PGRMC2: variants seen among roughly 807,000 people sequenced by gnomAD.
The protein encoded by PGRMC2 is progesterone receptor membrane component 2.
In PGRMC2, 9 loss-of-function variants were observed where a neutral mutation model predicts 19.3. The ratio of observed to expected loss-of-function variants is 0.47; its 90% CI spans 0.28 to 0.81. The LOEUF (loss-of-function observed/expected upper bound fraction) is 0.81, where lower values mean the gene tolerates loss of function less well. Ranked by LOEUF, PGRMC2 falls within the 40% of genes least tolerant of loss-of-function variation. The pLI is 0.11. For missense variants in PGRMC2, 289 were observed against 297.3 expected (o/e 0.97, Z 0.21); for synonymous variants, 157 against 124.6 (o/e 1.26, Z -1.73).
chr4:128,270,599 C>T lies in PGRMC2; in HGVS notation c.*717G>A, dbSNP rs1334432832. The T allele has an allele frequency of 6.6e-6, 1 of 152,358 alleles. No individual in the cohort carries two copies. The highest frequency in any genetic ancestry group is 1.9e-4 in the East Asian group (1 of 5,188). The allele number at this position is 152,358 out of a possible 1,614,324, so 9.4% of individuals were successfully genotyped here. A position where few individuals can be genotyped will look rare whatever the true frequency, so the allele number is the denominator to read the frequency against. On this transcript the variant is annotated 3_prime_UTR_variant, in exon 3 of 3. Transcript: ENST00000296425. ...AGTCTATGTTAAGTGAAATAAGGCA[C>T]AATTAATATTGATTTGATTTAGGGA...
rs536616778 is a variant in PGRMC2 at position 128,279,131 on chromosome 4, C to A, written c.419-6614G>T. On this transcript the variant is annotated intron_variant, in intron 1 of 2. Transcript: ENST00000296425. ...GCTGAGGCAGGAGAATCGCTTGAAC[C>A]CAGCAGGCAGAGGTTGCAGTGAGCC... 5.9e-5 allele frequency among the ~76,000 whole-genome samples: 9 copies of A among 152,122 alleles called. No homozygotes were observed. The South Asian group carries it at 1.9e-3, about 32-fold the overall frequency.
intron 1 of PGRMC2, among the ~76,000 whole-genome samples, chr4:128,277,698 A>C (rs1760833626): frequency 6.6e-6 from 1 of 152,234 alleles, no homozygotes; most frequent in African/African-American, 2.4e-5. Flanking sequence ...CCTATCAACA[A>C]ATGAGGCAAT....
At chr4:128,282,804 T>C (rs1237127341) in intron 1 of PGRMC2, among the ~76,000 whole-genome samples, 1 of 152,212 alleles carries the variant, frequency 6.6e-6, no homozygotes, top group Non-Finnish European at 1.5e-5. Flanking sequence ...TTCTGCAAAC[T>C]AAAGTGTTAA....
intron 1 of PGRMC2, among the ~76,000 whole-genome samples, chr4:128,277,991 C>A (rs1294906058): frequency 6.6e-6 from 1 of 152,168 alleles, no homozygotes; most frequent in Admixed American, 6.5e-5. Context: ...AAAGTGCAAT[C>A]TTGCTTCTGA....
Position 128,287,287 on chromosome 4 carries a change from T to C in PGRMC2, c.418+86A>G, listed in dbSNP as rs757954465. On this transcript the variant is annotated intron_variant, in intron 1 of 2. Coordinates refer to ENST00000296425, the MANE Select transcript of PGRMC2 (RefSeq NM_006320.6). The stretch of plus-strand genomic sequence containing the variant: ...CCGGAGACGAGAAGGCTGGGCAAAC[T>C]AACCCGGTGCCCAGAGGCCTCCCTG... The C allele has an allele frequency of 1.2e-5, 17 of 1,457,310 alleles. No homozygotes were observed. The South Asian group carries it at 2.2e-4, about 19-fold the overall frequency. 90.3% of individuals were successfully genotyped at this position (1,457,310 alleles called of 1,614,324 possible).
At position 128,273,450 on chromosome 4, in the gene PGRMC2, C is replaced by T. The variant is rs565824358; in HGVS notation, c.419-933G>A. Among the ~76,000 whole-genome samples, 50 of 152,124 alleles carry T rather than the reference C, an allele frequency of 3.3e-4. 1 individual carries two copies. In the South Asian group the frequency reaches 9.5e-3, roughly 29 times the overall value. ...CACTGTGCCTGGCATAAAGTAGGAA[C>T]GTAATAATTTTCTTCCAAATGACTT... is the stretch of plus-strand genomic sequence containing the variant. On this transcript the variant is annotated intron_variant, in intron 1 of 2. Coordinates refer to ENST00000296425, the MANE Select transcript of PGRMC2 (RefSeq NM_006320.6).
chr4:128,271,985 C>A (rs570314839), intron 2 of PGRMC2, among the ~76,000 whole-genome samples: 1 of 152,162 alleles, frequency 6.6e-6, no homozygotes, highest in Non-Finnish European at 1.5e-5. Context: ...AATGAAGAAG[C>A]TGACTGTAAG....
chr4:128,280,352 GGAAAAA>G (rs746929214), intron 1 of PGRMC2, among the ~76,000 whole-genome samples: 4 of 60,540 alleles, frequency 6.6e-5, no homozygotes, highest in African/African-American at 2.7e-4. Context: ...AAATTTTCTG[GGAAAAA>G]AAAAAAAAAA....
chr4:128,275,389 T>C (rs1457562532), intron 1 of PGRMC2, among the ~76,000 whole-genome samples: 1 of 152,170 alleles, frequency 6.6e-6, no homozygotes, highest in African/African-American at 2.4e-5. Flanking sequence ...CTCTACCAAC[T>C]TCCCTAAGAA....
intron 1 of PGRMC2, among the ~76,000 whole-genome samples, chr4:128,273,865 G>A (rs1190095665): frequency 6.6e-6 from 1 of 152,184 alleles, no homozygotes; most frequent in Non-Finnish European, 1.5e-5. Context: ...TTTACTGCAT[G>A]GAACTAGAAG....
intron 1 of PGRMC2, 172 bp downstream of exon 1, chr4:128,287,201 A>G (rs1760996502): frequency 3.5e-6 from 2 of 570,874 alleles, no homozygotes; most frequent in South Asian, 3.0e-5. Context: ...CTGCGGGGGG[A>G]CGGTGTGTGT....
At chr4:128,283,721 G>C (rs949945007) in intron 1 of PGRMC2, among the ~76,000 whole-genome samples, 1 of 150,556 alleles carries the variant, frequency 6.6e-6, no homozygotes, top group Non-Finnish European at 1.5e-5. Context: ...GCAATGGCGA[G>C]ATCTCAGCTC....
At position 128,272,365 on chromosome 4, in the gene PGRMC2, T is replaced by C; in HGVS notation, c.571A>G (p.Lys191Glu). Residue 191 changes from lysine (K) to glutamate (E), a missense_variant, in exon 2 of 3, where the codon AAA becomes GAA. Coordinates refer to ENST00000296425, the MANE Select transcript of PGRMC2 (RefSeq NM_006320.6). ...GAATCCAACAAAATAAAAATACCTT[T>C]AAACTGCATTTCCCATTCTCGAACA... ...ESVREWEMQF[K>E]EKYDYVGRLL... is the part of the protein sequence containing the mutation. 2.0e-6 allele frequency: 3 copies of C among 1,492,036 alleles called. No individual in the cohort carries two copies. Among genetic ancestry groups the C allele is most frequent in the African/African-American group, 2.9e-5 (2 of 69,820 alleles). The allele number at this position is 1,492,036 out of a possible 1,614,324, so 92.4% of individuals were successfully genotyped here.
Position 128,276,764 on chromosome 4 carries a change from A to C in PGRMC2, c.419-4247T>G, listed in dbSNP as rs557844625. ...AATATTAAAATATAATGCTGATCCAAAAACAGCCTCCCAATTTTAAGCAAA... is the reference window on the plus strand; with the variant it reads ...AATATTAAAATATAATGCTGATCCACAAACAGCCTCCCAATTTTAAGCAAA... On this transcript the variant is annotated intron_variant, in intron 1 of 2. Coordinates refer to ENST00000296425, the MANE Select transcript of PGRMC2 (RefSeq NM_006320.6). 2.6e-5 allele frequency among the ~76,000 whole-genome samples: 4 copies of C among 152,380 alleles called. No individual in the cohort carries two copies. In the South Asian group the frequency reaches 8.3e-4, roughly 32 times the overall value.
At chr4:128,283,279 G>T (rs988383068) in intron 1 of PGRMC2, among the ~76,000 whole-genome samples, 9 of 152,194 alleles carry the variant, frequency 5.9e-5, no homozygotes, top group Admixed American at 2.0e-4. Context: ...AATTTTTAGT[G>T]TTGCCACCTA....
chr4:128,287,130 C>G (rs2110566568), intron 1 of PGRMC2, among the ~76,000 whole-genome samples: 1 of 151,460 alleles, frequency 6.6e-6, no homozygotes, highest in African/African-American at 2.4e-5. Flanking sequence ...ATGCTGAGAG[C>G]TGGTCTCTGG....
At chr4:128,281,517 G>T (rs1343225111) in intron 1 of PGRMC2, among the ~76,000 whole-genome samples, 1 of 152,018 alleles carries the variant, frequency 6.6e-6, no homozygotes, top group Non-Finnish European at 1.5e-5. Context: ...ATCAGAGAAG[G>T]AAAAATAGTG....
chr4:128,282,291 G>C (rs955156516), intron 1 of PGRMC2, among the ~76,000 whole-genome samples: 2 of 152,142 alleles, frequency 1.3e-5, no homozygotes, highest in African/African-American at 4.8e-5. Context: ...AAGAATACAG[G>C]AGTTATACAG....
At chr4:128,273,985 T>G (rs1435893368) in intron 1 of PGRMC2, among the ~76,000 whole-genome samples, 1 of 152,252 alleles carries the variant, frequency 6.6e-6, no homozygotes, top group Non-Finnish European at 1.5e-5. Context: ...TTTCTTATTC[T>G]TATTGCATTT....
Sources: allele counts gnomAD v4.1 joint callset (sites outside exome capture counted in the v4.1 genomes callset), GRCh38; gene constraint gnomAD v4.1.1; transcripts MANE v1.5; gene names NCBI Gene and HGNC (gene_info 2026-07-23, HGNC 2026-07-21).